Variants in KLHL18 observed in about 807,000 individuals in gnomAD.
KLHL18 encodes kelch like family member 18.
In KLHL18, 38 loss-of-function variants were observed where a neutral mutation model predicts 58.5. The observed-to-expected ratio is 0.65, with a 90% CI of 0.50 to 0.85. The LOEUF (loss-of-function observed/expected upper bound fraction) is 0.85. Among genes scored for constraint, KLHL18 ranks in the 40% least tolerant of loss-of-function variants. KLHL18 has a pLI of 0.00. For missense variants in KLHL18, 624 were observed against 778.4 expected (o/e 0.80, Z 2.36); for synonymous variants, 303 against 301.9 (o/e 1.00, Z -0.04).
At position 47,336,621 on chromosome 3, in the gene KLHL18, G is replaced by C. The variant is rs149811108; in HGVS notation, c.985G>C (p.Val329Leu). The C allele has an allele frequency of 2.5e-6, 4 of 1,614,114 alleles. No homozygotes were observed. The highest frequency in any genetic ancestry group is 3.4e-6 in the Non-Finnish European group (4 of 1,180,054). ...TCCCATGACAACAGCCCGCAGCCGC[G>C]TTGGCGTGGCTGTGGTGAACGGGCT... ...CRPMTTARSRVGVAVVNGLLY... is the reference protein window; with the variant it reads ...CRPMTTARSRLGVAVVNGLLY... The change falls in exon 7 of 10, where the codon GTT becomes CTT. Residue 329 changes from valine (V) to leucine (L), a missense_variant. Transcript: ENST00000232766.
chr3:47,330,223 A>G (rs1364682984), intron 4 of KLHL18, 74 bp downstream of exon 4: 1 of 1,375,112 alleles, frequency 7.3e-7, no homozygotes, highest in African/African-American at 1.4e-5. Context: ...TTGTTTATGT[A>G]TTTTTTTACA....
At chr3:47,313,777 G>A (rs1297864674) in intron 1 of KLHL18, among the ~76,000 whole-genome samples, 1 of 151,932 alleles carries the variant, frequency 6.6e-6, no homozygotes, top group Non-Finnish European at 1.5e-5. Context: ...CTATTTATTA[G>A]GTCCCTCTCC....
At chr3:47,283,153 G>A in intron 1 of KLHL18, 59 bp downstream of exon 1, 1 of 1,487,912 alleles carries the variant, frequency 6.7e-7, no homozygotes, top group Non-Finnish European at 9.1e-7. Context: ...GGAGTAAAAA[G>A]GGGCGGGGGA....
At chr3:47,335,803 T>C (rs1016501160) in intron 6 of KLHL18, among the ~76,000 whole-genome samples, 2 of 152,138 alleles carry the variant, frequency 1.3e-5, no homozygotes, top group African/African-American at 4.8e-5. Context: ...CCACCGCACC[T>C]GGCCCAGTTT....
At chr3:47,288,057 C>T (rs920629703) in intron 1 of KLHL18, among the ~76,000 whole-genome samples, 3 of 151,760 alleles carry the variant, frequency 2.0e-5, no homozygotes, top group African/African-American at 7.3e-5. Flanking sequence ...CCCATCTCTA[C>T]TAAAAATACA....
At chr3:47,297,733 G>A (rs922066422) in intron 1 of KLHL18, 5 of 433,298 alleles carry the variant, frequency 1.2e-5, no homozygotes, top group South Asian at 8.2e-5. Flanking sequence ...ATTTTTAGAT[G>A]AAATAGGCTT....
In KLHL18 at chr3:47,336,774, G is replaced by T; in HGVS notation, c.1121+17G>T. 6.3e-7 allele frequency: 1 copy of T among 1,598,398 alleles called. No individual in the cohort carries two copies. The highest frequency in any genetic ancestry group is 2.2e-5 in the East Asian group (1 of 44,790). ...CAAGAGAAGGTATTCTGGAAGCCAC[G>T]TGCAGCCCGAACATACACACTGAGC... On this transcript the variant is annotated intron_variant, in intron 7 of 9. Transcript: ENST00000232766.
rs759743483 is a variant in KLHL18 at position 47,333,238 on chromosome 3, C to T, written c.682C>T (p.Arg228Cys). The change falls in exon 5 of 10, where the codon CGC (arginine) becomes TGC (cysteine). Residue 228 changes from arginine (R) to cysteine (C), a missense_variant. By Grantham distance (180) the Arg-to-Cys change is radical. Transcript: ENST00000232766. ...PYLPELLSNI[R>C]LPLCRPQFLS... ...CCTGCCTGAGCTGCTGTCCAATATC[C>T]GCCTGCCCCTCTGTCGGCCCCAGTT... 12 of 1,614,142 alleles carry T rather than the reference C, an allele frequency of 7.4e-6. No individual in the cohort carries two copies. The highest frequency in any genetic ancestry group is 1.1e-5 in the South Asian group (1 of 91,072).
intron 1 of KLHL18, among the ~76,000 whole-genome samples, chr3:47,300,284 A>ATT (rs1465080106): frequency 2.8e-5 from 1 of 35,608 alleles, no homozygotes; most frequent in Non-Finnish European, 1.0e-4. Flanking sequence ...CCTCACCGGC[A>ATT]TTTTATATAT....
intron 4 of KLHL18, among the ~76,000 whole-genome samples, chr3:47,332,120 T>C (rs1473823759): frequency 6.6e-6 from 1 of 151,922 alleles, no homozygotes; most frequent in East Asian, 1.9e-4. Context: ...GAGGCCAAGG[T>C]GGGCAGATTT....
At chr3:47,315,742 T>C (rs1703405822) in intron 1 of KLHL18, among the ~76,000 whole-genome samples, 1 of 151,690 alleles carries the variant, frequency 6.6e-6, no homozygotes, top group Non-Finnish European at 1.5e-5. Context: ...AAGACAGAGA[T>C]CAAAACAATT....
At chr3:47,283,131 G>C (rs556508241) in intron 1 of KLHL18, 37 bp downstream of exon 1, 1 of 1,539,464 alleles carries the variant, frequency 6.5e-7, no homozygotes, top group South Asian at 1.2e-5. Flanking sequence ...TGAGGGAAAA[G>C]GGGTCGAGCG....
chr3:47,343,605 G>A lies in KLHL18; in HGVS notation c.1389G>A (p.Met463Ile), dbSNP rs1704159215. Reference sequence around the variant, plus strand: ...CCACCTGGCACCCTGCAGCTGGCATGCTCAACAAGCGCTGCCGGCACGGAG... The same window carrying A: ...CCACCTGGCACCCTGCAGCTGGCATACTCAACAAGCGCTGCCGGCACGGAG... ...HTATWHPAAG[M>I]LNKRCRHGAA... Residue 463 changes from methionine to isoleucine, a missense_variant, in exon 10 of 10, where the codon ATG (methionine) becomes ATA (isoleucine). Transcript: ENST00000232766. 1 of 1,614,068 alleles carries A rather than the reference G, an allele frequency of 6.2e-7. No individual in the cohort carries two copies. The highest frequency in any genetic ancestry group is 2.2e-5 in the East Asian group (1 of 44,882).
chr3:47,330,358 A>G (rs1210626326), intron 4 of KLHL18, among the ~76,000 whole-genome samples: 1 of 152,090 alleles, frequency 6.6e-6, no homozygotes, highest in Non-Finnish European at 1.5e-5. Context: ...TTGCTCTGTC[A>G]CCTAGGCTGG....
intron 1 of KLHL18, among the ~76,000 whole-genome samples, chr3:47,317,796 G>C (rs952672012): frequency 6.6e-6 from 1 of 152,020 alleles, no homozygotes; most frequent in Admixed American, 6.6e-5. Flanking sequence ...AAAGGTATCA[G>C]GACAAATTCT....
chr3:47,308,598 C>G (rs771254858), intron 1 of KLHL18, among the ~76,000 whole-genome samples: 2 of 152,144 alleles, frequency 1.3e-5, no homozygotes, highest in Non-Finnish European at 2.9e-5. Context: ...ACCATGTTGG[C>G]CAGGCTGGTC....
At chr3:47,325,753 T>C (rs1241189741) in intron 3 of KLHL18, among the ~76,000 whole-genome samples, 1 of 151,670 alleles carries the variant, frequency 6.6e-6, no homozygotes, top group Non-Finnish European at 1.5e-5. Flanking sequence ...AGGCAAGCAC[T>C]GGAGCTGTGT....
At chr3:47,308,367 CCAATATGTCGT>C (rs1172149868) in intron 1 of KLHL18, among the ~76,000 whole-genome samples, 2 of 152,022 alleles carry the variant, frequency 1.3e-5, no homozygotes, top group African/African-American at 2.4e-5. Flanking sequence ...TACAGAGAAC[CCAATATGTCGT>C]CAATATGTAG....
rs1475239820 is a variant in KLHL18 at position 47,346,560 on chromosome 3, C to T, written c.*2619C>T. 4 of 152,564 alleles carry T rather than the reference C, an allele frequency of 2.6e-5. No individual in the cohort carries two copies. The highest frequency in any genetic ancestry group is 4.4e-5 in the Non-Finnish European group (3 of 68,056). The allele number at this position is 152,564 out of a possible 1,614,324, so 9.5% of individuals were successfully genotyped here. A position where few individuals can be genotyped will look rare whatever the true frequency, so the allele number is the denominator to read the frequency against. ...CAGTGGGCCTTGGGGCCTAGCCCAG[C>T]TCTGAGCAGAGGACTGTGGCATTCA... On this transcript the variant is annotated 3_prime_UTR_variant, in exon 10 of 10. Transcript: ENST00000232766.
Sources: gnomAD v4.1 joint callset for allele counts (sites outside exome capture counted in the v4.1 genomes callset) on GRCh38, gnomAD v4.1.1 for gene constraint, MANE v1.5 for transcripts, NCBI Gene and HGNC (gene_info 2026-07-23, HGNC 2026-07-21) for gene names.